The following NFIC variants were observed in gnomAD, a reference collection of about 807,000 sequenced individuals.
NFIC encodes nuclear factor I C, also known as nuclear factor 1 C-type.
NFIC carries 12 observed loss-of-function variants against 54.4 expected under a neutral mutation model. The ratio of observed to expected loss-of-function variants is 0.22; its 90% confidence interval spans 0.14 to 0.36. The LOEUF (loss-of-function observed/expected upper bound fraction) is 0.36. Ranked by LOEUF, NFIC falls within the 10% of genes least tolerant of loss-of-function variation. The pLI is 1.00. For missense variants in NFIC, 575 were observed against 718.2 expected (o/e 0.80, Z 2.28); for synonymous variants, 322 against 319.2 (o/e 1.01, Z -0.09).
chr19:3,380,226 A>C (rs183683124), intron 1 of NFIC, among the ~76,000 whole-genome samples: 13 of 146,614 alleles, frequency 8.9e-5, no homozygotes, highest in Admixed American at 2.0e-4. Context: ...GGATGGTCTC[A>C]ATCTCCTGAC....
chr19:3,446,038 G>A (rs1166165321), intron 6 of NFIC, among the ~76,000 whole-genome samples: 6 of 151,580 alleles, frequency 4.0e-5, no homozygotes, highest in African/African-American at 1.2e-4. Context: ...TACAGAGACC[G>A]ATCTGGCCCC....
At chr19:3,390,075 G>A (rs188970488) in intron 2 of NFIC, among the ~76,000 whole-genome samples, 6 of 152,300 alleles carry the variant, frequency 3.9e-5, no homozygotes, top group Admixed American at 6.5e-5. Context: ...TCCCAGTGCC[G>A]CCGTGAAACC....
Position 3,425,098 on chromosome 19 carries a change from C to G in NFIC, c.563-8C>G. 6.2e-7 allele frequency: 1 copy of G among 1,613,316 alleles called. No homozygotes were observed. Among genetic ancestry groups the G allele is most frequent in the Non-Finnish European group, 8.5e-7 (1 of 1,179,898 alleles). ...GATGCCACCAGTGTTTCTTCCCTCT[C>G]TTTGCAGATGCAGAGCAAAGCGGCA... is the stretch of plus-strand genomic sequence containing the variant. On this transcript the variant is annotated splice_region_variant and splice_polypyrimidine_tract_variant and intron_variant, in intron 2 of 10. Coordinates refer to ENST00000443272, the MANE Select transcript of NFIC (RefSeq NM_001245002.2).
At chr19:3,359,784 G>A (rs947276042) in intron 1 of NFIC, 1 of 1,255,194 alleles carries the variant, frequency 8.0e-7, no homozygotes, top group African/African-American at 1.6e-5. Flanking sequence ...ACAGGGGGCG[G>A]GGGCCGCCCG....
At chr19:3,456,874 C>T (rs2082567543) in intron 10 of NFIC, 4 of 568,072 alleles carry the variant, frequency 7.0e-6, no homozygotes, top group Admixed American at 3.1e-5. Flanking sequence ...TGTGGGGTCC[C>T]CAGGAGCGTC....
intron 3 of NFIC, among the ~76,000 whole-genome samples, chr19:3,428,847 A>C (rs2082069053): frequency 1.4e-5 from 2 of 147,434 alleles, no homozygotes; most frequent in East Asian, 2.2e-4. Flanking sequence ...TGCTGACACC[A>C]GCTGGCCAGC....
In NFIC at chr19:3,434,390, T is replaced by C; in HGVS notation, c.823T>C (p.Ser275Pro). 1 of 1,605,746 alleles carries C rather than the reference T, an allele frequency of 6.2e-7. No homozygotes were observed. Among genetic ancestry groups the C allele is most frequent in the Non-Finnish European group, 8.5e-7 (1 of 1,176,002 alleles). ...CCTCAGAAGAACGCTGCCCAGCACC[T>C]CCTCCAGTGGGTAAGTACCCAGGTC... ...TGLRRTLPST[S>P]SSGSKRHKSG... The change falls in exon 5 of 11, where the codon TCC (serine) becomes CCC (proline). Residue 275 changes from serine (S) to proline (P), a missense_variant. Transcript: ENST00000443272.
At chr19:3,391,199 A>C (rs2081371833) in intron 2 of NFIC, among the ~76,000 whole-genome samples, 1 of 151,886 alleles carries the variant, frequency 6.6e-6, no homozygotes, top group South Asian at 2.1e-4. Flanking sequence ...GCAATGAGCT[A>C]TGATCACACC....
intron 2 of NFIC, among the ~76,000 whole-genome samples, chr19:3,423,628 T>C (rs187751192): frequency 6.6e-6 from 1 of 152,272 alleles, no homozygotes; most frequent in African/African-American, 2.4e-5. Context: ...TGACTCGTCC[T>C]GCATCCAGGC....
At chr19:3,462,577 C>T (rs532708611) in intron 10 of NFIC, among the ~76,000 whole-genome samples, 175 bp from the exon 11 acceptor site, 1 of 152,226 alleles carries the variant, frequency 6.6e-6, no homozygotes, top group South Asian at 2.1e-4. Context: ...AAGTCACTTG[C>T]CATGGGTCAC....
chr19:3,379,417 A>G (rs1049552279), intron 1 of NFIC, among the ~76,000 whole-genome samples: 29 of 147,034 alleles, frequency 2.0e-4, no homozygotes, highest in Non-Finnish European at 3.9e-4. Flanking sequence ...TGTAGTGGCG[A>G]GCTCTCGGCT....
Position 3,375,330 on chromosome 19 carries a change from C to T in NFIC, c.31-6382C>T, listed in dbSNP as rs917513851. On this transcript the variant is annotated intron_variant, in intron 1 of 10. Coordinates refer to ENST00000443272, the MANE Select transcript of NFIC (RefSeq NM_001245002.2). This position sits in a 1 kb window ranked among gnomAD's most constrained non-coding sequence, Gnocchi z 4.6. ...GCATCTCCTCCACAGGCAGGTCCTG[C>T]GCCTCTATGGGTCCTCTCTGCCGCG... 7.9e-5 allele frequency among the ~76,000 whole-genome samples: 12 copies of T among 152,166 alleles called. No individual in the cohort carries two copies. Among genetic ancestry groups the T allele is most frequent in the Admixed American group, 4.6e-4 (7 of 15,262 alleles).
chr19:3,372,666 G>T (rs2081040286), intron 1 of NFIC, among the ~76,000 whole-genome samples: 1 of 149,096 alleles, frequency 6.7e-6, no homozygotes, highest in Non-Finnish European at 1.5e-5. Flanking sequence ...GGTGTCACTG[G>T]ACGCTCTGGC....
At chr19:3,456,389 G>C (rs893017135) in intron 9 of NFIC, among the ~76,000 whole-genome samples, 161 bp from the exon 10 acceptor site, 1 of 152,204 alleles carries the variant, frequency 6.6e-6, no homozygotes, top group African/African-American at 2.4e-5. Context: ...AGGGGGGCCC[G>C]GTTCAACTGG....
chr19:3,433,814 A>G (rs2082157841), intron 4 of NFIC, among the ~76,000 whole-genome samples: 2 of 152,082 alleles, frequency 1.3e-5, no homozygotes, highest in African/African-American at 4.8e-5. Context: ...GCTGGATGGC[A>G]ACTAAGGAAA....
At chr19:3,426,003 C>T (rs541668336) in intron 3 of NFIC, among the ~76,000 whole-genome samples, 29 of 129,102 alleles carry the variant, frequency 2.2e-4, no homozygotes, top group African/African-American at 7.2e-4. Context: ...GGCGCGATCT[C>T]GGCTCACTGC....
chr19:3,433,405 CA>C (rs1034503091), intron 3 of NFIC, 112 bp from the exon 4 acceptor site: 136 of 1,064,410 alleles, frequency 1.3e-4, no homozygotes, highest in African/African-American at 1.0e-3. Flanking sequence ...ACAGGATGGA[CA>C]GGGGGAACGT....
intron 2 of NFIC, among the ~76,000 whole-genome samples, chr19:3,386,809 G>A (rs1267821109): frequency 6.6e-6 from 1 of 152,196 alleles, no homozygotes; most frequent in Non-Finnish European, 1.5e-5. Flanking sequence ...GTTGTGGTGC[G>A]TGAGGGGGCA....
intron 1 of NFIC, among the ~76,000 whole-genome samples, chr19:3,371,240 C>T (rs1324306579): frequency 3.9e-5 from 6 of 151,998 alleles, no homozygotes; most frequent in Admixed American, 6.6e-5. Flanking sequence ...CCCCCACCCC[C>T]GGACCGTTTC....
Sources: gnomAD v4.1 joint callset for allele counts (sites outside exome capture counted in the v4.1 genomes callset) on GRCh38, gnomAD v4.1.1 for gene constraint, Gnocchi (gnomAD v3.1) non-coding constraint, MANE v1.5 for transcripts, NCBI Gene and HGNC (gene_info 2026-07-23, HGNC 2026-07-21) for gene names.